The following MGAT5 variants were observed in gnomAD, a reference collection of about 807,000 sequenced individuals.
MGAT5 encodes the protein alpha-1,6-mannosylglycoprotein 6-beta-N-acetylglucosaminyltransferase A.
A neutral mutation model predicts 94.3 loss-of-function variants in MGAT5; 30 were observed. That is an observed-to-expected ratio of 0.32 (90% CI 0.24 to 0.43). MGAT5 has a LOEUF of 0.43. Among genes scored for constraint, MGAT5 ranks in the 20% least tolerant of loss-of-function variants. The pLI is 1.00. For synonymous variants in MGAT5, 310 were observed against 322.9 expected, an observed-to-expected ratio of 0.96 and a Z score of 0.43; for missense variants, 691 against 905.5, an observed-to-expected ratio of 0.76 and a Z score of 3.04.
At chr2:134,194,472 G>C (rs1009536358) in intron 1 of MGAT5, among the ~76,000 whole-genome samples, 1 of 152,132 alleles carries the variant, frequency 6.6e-6, no homozygotes, top group Non-Finnish European at 1.5e-5. Flanking sequence ...GGGGCGGAGG[G>C]TGGAATATTA....
intron 1 of MGAT5, among the ~76,000 whole-genome samples, chr2:134,153,573 A>G (rs1236783018): frequency 6.6e-6 from 1 of 152,212 alleles, no homozygotes; most frequent in Non-Finnish European, 1.5e-5. Flanking sequence ...GTCTCCCTGA[A>G]GAGGCTGGAA....
chr2:134,297,734 T>A (rs920193221), intron 2 of MGAT5, among the ~76,000 whole-genome samples: 1 of 152,140 alleles, frequency 6.6e-6, no homozygotes, highest in Non-Finnish European at 1.5e-5. Context: ...ACATCATACT[T>A]ACTAGAAAAG....
chr2:134,266,561 T>C (rs1050094049), intron 1 of MGAT5, among the ~76,000 whole-genome samples: 7 of 152,244 alleles, frequency 4.6e-5, no homozygotes, highest in Non-Finnish European at 8.8e-5. Context: ...TAACAGTTTT[T>C]GGAGGTTTAA....
chr2:134,428,482 T>C (rs1459510036), intron 14 of MGAT5, 43 bp downstream of exon 14: 1 of 1,553,470 alleles, frequency 6.4e-7, no homozygotes, highest in Non-Finnish European at 8.9e-7. Flanking sequence ...TGTGTACTGC[T>C]TCCTGTGACG....
intron 1 of MGAT5, among the ~76,000 whole-genome samples, chr2:134,121,400 A>G (rs1685581609): frequency 1.3e-5 from 2 of 152,232 alleles, no homozygotes; most frequent in South Asian, 2.1e-4. Context: ...TGTCACACAC[A>G]AAGCCGCGGT....
In MGAT5 at chr2:134,448,762, C is replaced by G. The variant is rs527294802; in HGVS notation, c.2141C>G (p.Ala714Gly). 6.2e-7 allele frequency: 1 copy of G among 1,614,224 alleles called. No homozygotes were observed. Among genetic ancestry groups the G allele is most frequent in the African/African-American group, 1.3e-5 (1 of 75,060 alleles). The change falls in exon 16 of 16, where the codon GCA becomes GGA. Residue 714 changes from alanine (A) to glycine (G), a missense_variant. Physicochemically the swap from Ala to Gly is moderately conservative, Grantham distance 60. Around this residue, in one of 4 missense-constraint regions of MGAT5, gnomAD observed 260 missense variants for 347.0 expected, o/e 0.75. Coordinates refer to ENST00000281923, the MANE Select transcript of MGAT5 (RefSeq NM_002410.5). ...FQGDLLLFSC[A>G]GAHPRHQRVC... Reference sequence around the variant, plus strand: ...GGTGACCTCCTGCTCTTCAGCTGTGCAGGCGCCCACCCCAGGCACCAGAGG... The same window carrying G: ...GGTGACCTCCTGCTCTTCAGCTGTGGAGGCGCCCACCCCAGGCACCAGAGG...
At chr2:134,339,629 A>C (rs1455399200) in intron 6 of MGAT5, among the ~76,000 whole-genome samples, 1 of 152,158 alleles carries the variant, frequency 6.6e-6, no homozygotes, top group Non-Finnish European at 1.5e-5. Flanking sequence ...GGGAGTTGGG[A>C]TTAGCATGGA....
In MGAT5 at chr2:134,453,746, G is replaced by A. The variant is rs941964327; in HGVS notation, c.*4899G>A. On this transcript the variant is annotated 3_prime_UTR_variant, in exon 16 of 16. Coordinates refer to ENST00000281923, the MANE Select transcript of MGAT5 (RefSeq NM_002410.5). ...AACCAACCCCACCCTGCCAGCTGGG[G>A]GCAATGGGGCAGGGATTTTGGCCTC... The A allele has an allele frequency of 6.6e-6, 1 of 152,192 alleles. No homozygotes were observed. The highest frequency in any genetic ancestry group is 1.5e-5 in the Non-Finnish European group (1 of 68,062). 9.4% of individuals were successfully genotyped at this position (152,192 alleles called of 1,614,324 possible).
At chr2:134,443,569 C>A (rs1685606903) in intron 15 of MGAT5, among the ~76,000 whole-genome samples, 1 of 152,170 alleles carries the variant, frequency 6.6e-6, no homozygotes, top group Admixed American at 6.5e-5. Context: ...ACCATGAAAA[C>A]AAAAGCATAG....
chr2:134,194,083 G>C (rs1679377368), intron 1 of MGAT5, among the ~76,000 whole-genome samples: 1 of 152,140 alleles, frequency 6.6e-6, no homozygotes, highest in African/African-American at 2.4e-5. Flanking sequence ...ACAAAACTCT[G>C]CCAGTGGCAA....
intron 6 of MGAT5, 86 bp from the exon 7 acceptor site, chr2:134,341,504 G>T: frequency 9.0e-7 from 1 of 1,114,784 alleles, no homozygotes; most frequent in East Asian, 2.6e-5. Flanking sequence ...ACATGACTTT[G>T]GGATTGGTCA....
chr2:134,135,041 T>C (rs1437554000), intron 1 of MGAT5, among the ~76,000 whole-genome samples: 11 of 152,244 alleles, frequency 7.2e-5, no homozygotes, highest in Admixed American at 5.2e-4. Context: ...TGACACATTT[T>C]AAAAATTTCA....
intron 1 of MGAT5, among the ~76,000 whole-genome samples, chr2:134,193,787 C>T (rs764169857): frequency 6.6e-5 from 10 of 151,508 alleles, no homozygotes; most frequent in East Asian, 1.9e-4. Context: ...TTTAATCAAT[C>T]GCGATGAAAG....
chr2:134,354,208 A>G (rs1391610638), intron 9 of MGAT5, among the ~76,000 whole-genome samples: 1 of 152,238 alleles, frequency 6.6e-6, no homozygotes, highest in Non-Finnish European at 1.5e-5. Flanking sequence ...CTGTATAAAT[A>G]TGCACATATA....
At chr2:134,259,193 C>T (rs1381855821) in intron 1 of MGAT5, among the ~76,000 whole-genome samples, 7 of 152,152 alleles carry the variant, frequency 4.6e-5, no homozygotes, top group Non-Finnish European at 8.8e-5. Flanking sequence ...TTGGCTTTTG[C>T]CTCCCAGGCA....
At chr2:134,274,396 C>A (rs567374170) in intron 2 of MGAT5, among the ~76,000 whole-genome samples, 1 of 152,308 alleles carries the variant, frequency 6.6e-6, no homozygotes, top group South Asian at 2.1e-4. Context: ...TTAGCAGACA[C>A]CGCCTAAGAA....
intron 1 of MGAT5, among the ~76,000 whole-genome samples, chr2:134,190,820 AT>A (rs200215190): frequency 5.8e-4 from 88 of 151,680 alleles, no homozygotes; most frequent in African/African-American, 2.1e-3. Flanking sequence ...TAATTTATGT[AT>A]TTTTTTTAAT....
intron 1 of MGAT5, among the ~76,000 whole-genome samples, chr2:134,269,246 C>T (rs1683885606): frequency 6.6e-6 from 1 of 152,190 alleles, no homozygotes; most frequent in Admixed American, 6.5e-5. Flanking sequence ...CAGGCTGGTG[C>T]ACCTTTGTTG....
intron 10 of MGAT5, among the ~76,000 whole-genome samples, chr2:134,398,297 C>CCATGGAGTG (rs1159186314): frequency 6.6e-6 from 1 of 152,152 alleles, no homozygotes; most frequent in Non-Finnish European, 1.5e-5. Context: ...TCTCTGCCCT[C>CCATGGAGTG]CATGGAGTGG....
Sources: gnomAD v4.1 joint callset for allele counts (sites outside exome capture counted in the v4.1 genomes callset) on GRCh38, gnomAD v4.1.1 for gene constraint, gnomAD v4.1.1 regional missense constraint, MANE v1.5 for transcripts, NCBI Gene and HGNC (gene_info 2026-07-23, HGNC 2026-07-21) for gene names.